SCARA5: variants seen among roughly 807,000 people sequenced by gnomAD.
The protein encoded by SCARA5 is scavenger receptor class A member 5, also known as scavenger receptor class A, member 5 (putative).
A neutral mutation model predicts 46.3 loss-of-function variants in SCARA5; 45 were observed. That is an observed-to-expected ratio of 0.97 (90% CI 0.76 to 1.24). The LOEUF (loss-of-function observed/expected upper bound fraction) is 1.24. Among genes scored for constraint, SCARA5 ranks in the 50% most tolerant of loss-of-function variants. The probability of loss-of-function intolerance (pLI) is 0.00; values close to 1 mark genes in which losing one functional copy is unlikely to be tolerated. For synonymous variants in SCARA5, 333 were observed against 306.5 expected (o/e 1.09, Z -0.90); for missense variants, 680 against 689.0 (o/e 0.99, Z 0.15).
chr8:27,990,875 G>A (rs1046025189), intron 1 of SCARA5, among the ~76,000 whole-genome samples: 1 of 152,232 alleles, frequency 6.6e-6, no homozygotes, highest in African/African-American at 2.4e-5. Context: ...TGCTCTAACA[G>A]GGAGGTGTCA....
At chr8:27,983,499 C>T (rs1396430822) in intron 2 of SCARA5, among the ~76,000 whole-genome samples, 1 of 152,194 alleles carries the variant, frequency 6.6e-6, no homozygotes, top group African/African-American at 2.4e-5. Flanking sequence ...GTGAAATCCC[C>T]ATCCTGGGAA....
intron 4 of SCARA5, among the ~76,000 whole-genome samples, chr8:27,917,744 T>A (rs1807485233): frequency 6.6e-6 from 1 of 152,248 alleles, no homozygotes; most frequent in Non-Finnish European, 1.5e-5. Context: ...CCTGCCTCAT[T>A]ATAGGTCATA....
chr8:27,913,927 T>G (rs2129785333), intron 4 of SCARA5, among the ~76,000 whole-genome samples: 1 of 152,154 alleles, frequency 6.6e-6, no homozygotes, highest in East Asian at 1.9e-4. Flanking sequence ...ATCCTAAGAG[T>G]CCAGTCCCTC....
rs752297884 is a variant in SCARA5 at position 27,921,945 on chromosome 8, G to T, written c.542C>A (p.Ala181Glu). The change falls in exon 4 of 9, where the codon GCG (alanine) becomes GAG (glutamate). Residue 181 changes from alanine (A) to glutamate (E), a missense_variant. This residue lies in a region of SCARA5 where 438 missense variants were observed against 384.5 expected (regional missense o/e 1.14). Coordinates refer to ENST00000354914, the MANE Select transcript of SCARA5 (RefSeq NM_173833.6). ...CTGCAGCTGGTAGAGCTCCAGCTGC[G>T]CCGTGTCGCTCTGCTGGCCCGTGCG... ...RDRTGQQSDTAQLELYQLQVE... is the reference protein window; with the variant it reads ...RDRTGQQSDTEQLELYQLQVE... 3.2e-6 allele frequency: 5 copies of T among 1,541,988 alleles called. No homozygotes were observed. In the South Asian group the frequency reaches 3.7e-5, roughly 11 times the overall value.
chr8:27,991,100 G>A (rs1328243155), intron 1 of SCARA5, among the ~76,000 whole-genome samples: 3 of 152,238 alleles, frequency 2.0e-5, no homozygotes, highest in Non-Finnish European at 2.9e-5. Context: ...GAACACAGAA[G>A]CCAAGGGCTC....
At chr8:27,926,077 G>A (rs1807675052) in intron 3 of SCARA5, among the ~76,000 whole-genome samples, 1 of 152,166 alleles carries the variant, frequency 6.6e-6, no homozygotes, top group Non-Finnish European at 1.5e-5. Context: ...AATACCATTT[G>A]ACCCAGCAGT....
chr8:27,913,824 T>C (rs535251973), intron 4 of SCARA5, among the ~76,000 whole-genome samples: 2 of 152,358 alleles, frequency 1.3e-5, no homozygotes, highest in South Asian at 2.1e-4. Flanking sequence ...TGACCCCTTC[T>C]GCTGCAAACT....
At chr8:27,975,926 G>C (rs543756496) in intron 2 of SCARA5, among the ~76,000 whole-genome samples, 1 of 152,182 alleles carries the variant, frequency 6.6e-6, no homozygotes, top group African/African-American at 2.4e-5. Context: ...CAGATTTTAC[G>C]ATGGTCTGGG....
At chr8:27,931,643 T>C (rs1453966057) in intron 3 of SCARA5, among the ~76,000 whole-genome samples, 1 of 152,184 alleles carries the variant, frequency 6.6e-6, no homozygotes, top group Non-Finnish European at 1.5e-5. Flanking sequence ...TCCTGCTTTT[T>C]GGACAAAGAA....
intron 7 of SCARA5, among the ~76,000 whole-genome samples, chr8:27,900,203 CTGAGA>C (rs1409553734): frequency 6.6e-6 from 1 of 152,062 alleles, no homozygotes; most frequent in Non-Finnish European, 1.5e-5. Context: ...CTCTCCATGC[CTGAGA>C]TAAGGCTAAC....
intron 7 of SCARA5, chr8:27,904,431 C>T: frequency 2.2e-6 from 1 of 459,788 alleles, no homozygotes; most frequent in East Asian, 3.0e-5. Flanking sequence ...TCAATTTTCA[C>T]AATGACCTTA....
chr8:27,906,991 G>A (rs1807272894), intron 6 of SCARA5, among the ~76,000 whole-genome samples, 157 bp downstream of exon 6: 1 of 152,176 alleles, frequency 6.6e-6, no homozygotes, highest in South Asian at 2.1e-4. Context: ...GTTTTTGGAG[G>A]AAAAACTAAA....
At chr8:27,947,232 G>C (rs953044190) in intron 3 of SCARA5, among the ~76,000 whole-genome samples, 8 of 152,240 alleles carry the variant, frequency 5.3e-5, no homozygotes, top group African/African-American at 1.4e-4. Flanking sequence ...GGCTGGTCTC[G>C]AACTCCTGAC....
At chr8:27,932,596 T>C (rs1175916485) in intron 3 of SCARA5, among the ~76,000 whole-genome samples, 1 of 152,166 alleles carries the variant, frequency 6.6e-6, no homozygotes, top group Non-Finnish European at 1.5e-5. Flanking sequence ...TATCCTCCCA[T>C]AACCTTTCCT....
chr8:27,892,762 C>A (rs2012469), intron 7 of SCARA5, among the ~76,000 whole-genome samples: 1,922 of 152,166 alleles, frequency 0.013, 37 homozygotes, highest in African/African-American at 0.042. Flanking sequence ...CCCGCCACCA[C>A]GACCGGCTAA....
chr8:27,987,619 A>G lies in SCARA5; in HGVS notation c.-4T>C, dbSNP rs2129987887. 6.3e-7 allele frequency: 1 copy of G among 1,598,758 alleles called. No individual in the cohort carries two copies. Among genetic ancestry groups the G allele is most frequent in the East Asian group, 2.2e-5 (1 of 44,830 alleles). The stretch of plus-strand genomic sequence containing the variant: ...GGTACATAGCTTTGTTCTCCATCAC[A>G]CCCTGCAACAGCTGCAGAGAAGGCA... On this transcript the variant is annotated 5_prime_UTR_variant, in exon 2 of 9. Transcript: ENST00000354914.
intron 3 of SCARA5, among the ~76,000 whole-genome samples, chr8:27,926,319 C>G (rs1190296017): frequency 2.6e-5 from 4 of 152,090 alleles, no homozygotes; most frequent in Non-Finnish European, 5.9e-5. Flanking sequence ...AAGCTGGAAA[C>G]CATCATTCTC....
intron 3 of SCARA5, among the ~76,000 whole-genome samples, chr8:27,938,956 G>C (rs1312385371): frequency 5.9e-5 from 9 of 152,174 alleles, no homozygotes; most frequent in African/African-American, 1.4e-4. Flanking sequence ...ACTTCTTGCA[G>C]AGATATTCTC....
intron 2 of SCARA5, 61 bp downstream of exon 2, chr8:27,987,443 G>C: frequency 2.6e-6 from 3 of 1,137,618 alleles, no homozygotes; most frequent in Non-Finnish European, 4.0e-6. Context: ...GGTGGTGGTA[G>C]GGCTCCTTCC....
Sources: gnomAD v4.1 joint callset for allele counts (sites outside exome capture counted in the v4.1 genomes callset) on GRCh38, gnomAD v4.1.1 for gene constraint, gnomAD v4.1.1 regional missense constraint, MANE v1.5 for transcripts, NCBI Gene and HGNC (gene_info 2026-07-23, HGNC 2026-07-21) for gene names.